The following CACNA1H variants were observed in gnomAD, a reference collection of about 807,000 sequenced individuals.
CACNA1H encodes voltage-dependent T-type calcium channel subunit alpha-1H.
In CACNA1H, 149 loss-of-function variants were observed where a neutral mutation model predicts 192.5. The ratio of observed to expected loss-of-function variants is 0.77; its 90% CI spans 0.68 to 0.89. The LOEUF is 0.89. CACNA1H is among the 40% of genes least tolerant of loss of function. The pLI is 0.00. For synonymous variants in CACNA1H, 2,202 were observed against 1,475.2 expected, an observed-to-expected ratio of 1.49 and a Z score of -11.29; for missense variants, 4,257 against 3,423.5, an observed-to-expected ratio of 1.24 and a Z score of -6.08.
Position 1,217,120 on chromosome 16 carries a change from C to G in CACNA1H, c.5323+110C>G, listed in dbSNP as rs573743364. 25 of 904,914 alleles carry G rather than the reference C, an allele frequency of 2.8e-5. No individual in the cohort carries two copies. In the South Asian group the frequency reaches 3.5e-4, roughly 13 times the overall value. The allele number at this position is 904,914 out of a possible 1,614,324, so 56.1% of individuals were successfully genotyped here. A position where few individuals can be genotyped will look rare whatever the true frequency, so the allele number is the denominator to read the frequency against. On this transcript the variant is annotated intron_variant, in intron 31 of 34. Coordinates refer to ENST00000348261, the MANE Select transcript of CACNA1H (RefSeq NM_021098.3). ...GCTTGCAAATAGCGTGGGGCCTGAT[C>G]AGGGCCACACGCCTCCTGGGCGTCC...
chr16:1,172,498 G>A (rs764128826), intron 2 of CACNA1H, among the ~76,000 whole-genome samples: 7 of 152,168 alleles, frequency 4.6e-5, no homozygotes, highest in African/African-American at 1.2e-4. Flanking sequence ...AGCAGGACAC[G>A]TAAGTACCTG....
In CACNA1H at chr16:1,167,776, A is replaced by G. The variant is rs997940284; in HGVS notation, c.299+13740A>G. Among the ~76,000 whole-genome samples the G allele has an allele frequency of 6.6e-6, 1 of 152,114 alleles. No homozygotes were observed. The highest frequency in any genetic ancestry group is 1.5e-5 in the Non-Finnish European group (1 of 68,026). On this transcript the variant is annotated intron_variant, in intron 2 of 34. Coordinates refer to ENST00000348261, the MANE Select transcript of CACNA1H (RefSeq NM_021098.3). The surrounding 1 kb of genome is among the most constrained non-coding windows in gnomAD (Gnocchi z 4.2). ...TTCAGGGACACACCCAGACACGGGAAACGGGACACCTGGAGCTGTGGCGCT... is the reference window on the plus strand; with the variant it reads ...TTCAGGGACACACCCAGACACGGGAGACGGGACACCTGGAGCTGTGGCGCT...
At position 1,215,327 on chromosome 16, in the gene CACNA1H, A is replaced by G; in HGVS notation, c.5125A>G (p.Ile1709Val). The part of the protein sequence containing the change: ...EEIEMSAALP[I>V]NPTIIRIMRV... ...GATAGAGATGAGCGCCGCGCTGCCC[A>G]TCAACCCCACCATCATCCGCATCAT... The change falls in exon 29 of 35, where the codon ATC becomes GTC. Residue 1709 changes from isoleucine (I) to valine (V), a missense_variant. Physicochemically the swap from Ile to Val is conservative, Grantham distance 29. Coordinates refer to ENST00000348261, the MANE Select transcript of CACNA1H (RefSeq NM_021098.3). 2.5e-6 allele frequency: 4 copies of G among 1,611,794 alleles called. No homozygotes were observed. Among genetic ancestry groups the G allele is most frequent in the Non-Finnish European group, 3.4e-6 (4 of 1,179,404 alleles).
intron 2 of CACNA1H, among the ~76,000 whole-genome samples, chr16:1,166,732 C>T (rs1285063760): frequency 6.6e-6 from 1 of 152,128 alleles, no homozygotes; most frequent in East Asian, 1.9e-4. Context: ...GAGCTTTGTG[C>T]GGGCCGGTCG....
chr16:1,204,652 C>T (rs991751259), intron 10 of CACNA1H, among the ~76,000 whole-genome samples, 194 bp downstream of exon 10: 1 of 152,194 alleles, frequency 6.6e-6, no homozygotes, highest in Non-Finnish European at 1.5e-5. Context: ...CCTTGGATTC[C>T]TGGCCTCCTC....
In CACNA1H at chr16:1,221,339, A is replaced by C; in HGVS notation, c.*345A>C. 1 of 349,104 alleles carries C rather than the reference A, an allele frequency of 2.9e-6. No homozygotes were observed. Among genetic ancestry groups the C allele is most frequent in the Non-Finnish European group, 5.2e-6 (1 of 193,208 alleles). 21.6% of individuals were successfully genotyped at this position (349,104 alleles called of 1,614,324 possible). A position where few individuals can be genotyped will look rare whatever the true frequency, so the allele number is the denominator to read the frequency against. On this transcript the variant is annotated 3_prime_UTR_variant, in exon 35 of 35. Transcript: ENST00000348261. ...GGAAGGTACCAGGTTGCGTCCTTTC[A>C]GGCCCCGCGTTGTTACAGGACACTC...
intron 31 of CACNA1H, among the ~76,000 whole-genome samples, chr16:1,217,398 C>T (rs971801900): frequency 6.6e-6 from 1 of 152,322 alleles, no homozygotes; most frequent in Non-Finnish European, 1.5e-5. Context: ...ACCTGGTGGC[C>T]GTAGCCTCCT....
intron 12 of CACNA1H, 198 bp from the exon 13 acceptor site, chr16:1,206,803 A>C: frequency 1.8e-6 from 1 of 566,356 alleles, no homozygotes; most frequent in South Asian, 2.2e-5. Context: ...TGGAATGGAC[A>C]CTACTGAGTT....
chr16:1,220,929 C>G lies in CACNA1H; in HGVS notation c.6997C>G (p.Leu2333Val). 3 of 1,609,584 alleles carry G rather than the reference C, an allele frequency of 1.9e-6. No homozygotes were observed. The highest frequency in any genetic ancestry group is 2.5e-6 in the Non-Finnish European group (3 of 1,177,990). Residue 2333 changes from leucine to valine, a missense_variant, in exon 35 of 35, where the codon CTG (leucine) becomes GTG (valine). Leu to Val is a conservative substitution (Grantham distance 32, BLOSUM62 1). Coordinates refer to ENST00000348261, the MANE Select transcript of CACNA1H (RefSeq NM_021098.3). ...GLYLTVPQCP[L>V]EKPGSPSATP... Reference sequence around the variant, plus strand: ...GTACCTCACAGTCCCCCAGTGTCCTCTGGAGAAACCAGGGTCCCCCTCAGC... The same window carrying G: ...GTACCTCACAGTCCCCCAGTGTCCTGTGGAGAAACCAGGGTCCCCCTCAGC...
At chr16:1,185,000 T>A (rs1217130670) in intron 2 of CACNA1H, among the ~76,000 whole-genome samples, 1 of 152,170 alleles carries the variant, frequency 6.6e-6, no homozygotes, top group Non-Finnish European at 1.5e-5. Flanking sequence ...CTGGAATGTT[T>A]CCCTCACTCC....
intron 2 of CACNA1H, among the ~76,000 whole-genome samples, chr16:1,192,446 A>G (rs1362563173): frequency 6.6e-6 from 1 of 152,236 alleles, no homozygotes; most frequent in Non-Finnish European, 1.5e-5. Context: ...ACAGTCTTAG[A>G]GATGGCTGGT....
Position 1,213,881 on chromosome 16 carries a change from A to G in CACNA1H, c.4879A>G (p.Ile1627Val). Residue 1627 changes from isoleucine (I) to valine (V), a missense_variant, in exon 27 of 35, where the codon ATC (isoleucine) becomes GTC (valine). Coordinates refer to ENST00000348261, the MANE Select transcript of CACNA1H (RefSeq NM_021098.3). ...TCTCGACCTCTTCATCACCTTCATC[A>G]TCTGTGTCAACGTCATCACCATGTC... Reference protein sequence around the residue: ...HYLDLFITFIICVNVITMSME... With the variant: ...HYLDLFITFIVCVNVITMSME... The G allele has an allele frequency of 1.9e-6, 3 of 1,611,662 alleles. No homozygotes were observed. Among genetic ancestry groups the G allele is most frequent in the Non-Finnish European group, 2.5e-6 (3 of 1,179,316 alleles).
intron 2 of CACNA1H, among the ~76,000 whole-genome samples, chr16:1,165,653 G>A (rs2052693208): frequency 6.6e-6 from 1 of 152,192 alleles, no homozygotes; most frequent in Non-Finnish European, 1.5e-5. Flanking sequence ...TCCCCCCGAG[G>A]CCATTGCCAG....
intron 2 of CACNA1H, among the ~76,000 whole-genome samples, chr16:1,181,612 T>G (rs955354432): frequency 1.4e-4 from 21 of 152,244 alleles, no homozygotes; most frequent in African/African-American, 5.1e-4. Context: ...ATCAAGCTCT[T>G]TATTAGAGAT....
chr16:1,157,373 G>A (rs1962563098), intron 2 of CACNA1H, among the ~76,000 whole-genome samples: 5 of 152,232 alleles, frequency 3.3e-5, no homozygotes. Context: ...GATGCTGAAG[G>A]ACAGAGCTGG....
At chr16:1,195,245 G>A (rs1358928574) in intron 3 of CACNA1H, among the ~76,000 whole-genome samples, 162 bp downstream of exon 3, 1 of 147,494 alleles carries the variant, frequency 6.8e-6, no homozygotes, top group African/African-American at 2.5e-5. Context: ...AGGTGGGGCT[G>A]GGGGTGGGGC....
intron 31 of CACNA1H, 25 bp from the exon 32 acceptor site, chr16:1,217,894 C>T (rs1304986273): frequency 6.3e-7 from 1 of 1,579,364 alleles, no homozygotes; most frequent in African/African-American, 1.3e-5. Flanking sequence ...GCTCGGCTGA[C>T]CGGGCGGGGT....
chr16:1,186,378 C>T (rs1406852325), intron 2 of CACNA1H, among the ~76,000 whole-genome samples: 5 of 152,040 alleles, frequency 3.3e-5, no homozygotes, highest in Admixed American at 6.5e-5. Context: ...GATTCCTGGA[C>T]GTTTCGCTTT....
intron 2 of CACNA1H, among the ~76,000 whole-genome samples, chr16:1,188,702 C>T (rs1269016974): frequency 6.6e-6 from 1 of 152,184 alleles, no homozygotes; most frequent in Non-Finnish European, 1.5e-5. Context: ...TCTTTTTCCT[C>T]CTCGACTACC....
Sources: gnomAD v4.1 joint callset for allele counts (sites outside exome capture counted in the v4.1 genomes callset) on GRCh38, gnomAD v4.1.1 for gene constraint, Gnocchi (gnomAD v3.1) non-coding constraint, MANE v1.5 for transcripts, NCBI Gene and HGNC (gene_info 2026-07-23, HGNC 2026-07-21) for gene names.